The following KLF8 variants were observed in gnomAD, a reference collection of about 807,000 sequenced individuals.
The protein encoded by KLF8 is Krueppel-like factor 8.
Under a neutral mutation model 18.2 loss-of-function variants are expected in KLF8, and 10 were observed. That is an observed-to-expected ratio of 0.55 (90% CI 0.34 to 0.93). The LOEUF (loss-of-function observed/expected upper bound fraction) is 0.93. Among genes scored for constraint, KLF8 ranks in the 40% least tolerant of loss-of-function variants. KLF8 has a pLI of 0.02. For missense variants in KLF8, 264 were observed against 277.9 expected, an observed-to-expected ratio of 0.95 and a Z score of 0.36; for synonymous variants, 109 against 97.3, an observed-to-expected ratio of 1.12 and a Z score of -0.71.
the KLF8 span, among the ~76,000 whole-genome samples, chrX:56,203,666 C>G: frequency 2.7e-5 from 3 of 112,035 alleles, no homozygotes; most frequent in Admixed American, 1.9e-4. Flanking sequence ...TTCCCATCAC[C>G]ATTTATTGAA....
the KLF8 span, among the ~76,000 whole-genome samples, chrX:56,051,674 C>G: frequency 9.3e-6 from 1 of 107,660 alleles, no homozygotes; most frequent in African/African-American, 3.5e-5. Flanking sequence ...GAGGGTAACC[C>G]GACCTTTCTC....
the KLF8 span, among the ~76,000 whole-genome samples, chrX:56,121,118 G>A: frequency 1.9e-5 from 2 of 104,923 alleles, no homozygotes; most frequent in East Asian, 6.0e-4. Flanking sequence ...CCCGGGAGGC[G>A]GAGCTTGCAG....
chrX:56,028,056 A>G, the KLF8 span, among the ~76,000 whole-genome samples: 1 of 111,997 alleles, frequency 8.9e-6, no homozygotes, highest in Non-Finnish European at 1.9e-5. Flanking sequence ...AACTCCATCT[A>G]GCTGTTTTGA....
chrX:56,044,717 G>A, the KLF8 span, among the ~76,000 whole-genome samples: 1 of 112,152 alleles, frequency 8.9e-6, no homozygotes, highest in African/African-American at 3.2e-5. Context: ...CTCACCCTGG[G>A]AAGTCAGACC....
the KLF8 span, among the ~76,000 whole-genome samples, chrX:56,214,058 A>G: frequency 9.0e-6 from 1 of 111,381 alleles, no homozygotes; most frequent in African/African-American, 3.3e-5. Flanking sequence ...AAGTCCTGCC[A>G]TAAAGCCGTC....
the KLF8 span, among the ~76,000 whole-genome samples, chrX:56,194,261 C>T: frequency 7.2e-5 from 8 of 111,387 alleles, no homozygotes; most frequent in African/African-American, 2.3e-4. Context: ...CAGGGCAGGG[C>T]GTCACGTCTC....
chrX:56,139,839 C>A, the KLF8 span, among the ~76,000 whole-genome samples: 1 of 110,971 alleles, frequency 9.0e-6, no homozygotes, highest in East Asian at 2.8e-4. Flanking sequence ...AGTAAACAGG[C>A]AACCTACAAA....
chrX:56,288,911 G>C lies in KLF8; in HGVS notation c.*4417G>C, dbSNP rs775052182. On this transcript the variant is annotated 3_prime_UTR_variant, in exon 6 of 6. Transcript: ENST00000468660. ...CACCTGGCTGAAATAGTTGTTGTCA[G>C]GTTTCTCCCCTGTACTCTTTTTTTC... Among the ~76,000 whole-genome samples the C allele has an allele frequency of 8.9e-6, 1 of 111,902 alleles. No homozygotes were observed. Among genetic ancestry groups the C allele is most frequent in the African/African-American group, 3.2e-5 (1 of 30,817 alleles).
chrX:56,021,171 T>A, the KLF8 span, among the ~76,000 whole-genome samples: 1 of 112,328 alleles, frequency 8.9e-6, no homozygotes, highest in Non-Finnish European at 1.9e-5. Flanking sequence ...TACCATCTGT[T>A]TTTGAAATTT....
chrX:56,091,922 C>A, the KLF8 span, among the ~76,000 whole-genome samples: 1 of 110,776 alleles, frequency 9.0e-6, no homozygotes, highest in Non-Finnish European at 1.9e-5. Context: ...CTAATTTACA[C>A]TCCCACCAAC....
chrX:56,184,212 G>T, the KLF8 span, among the ~76,000 whole-genome samples: 3 of 112,361 alleles, frequency 2.7e-5, no homozygotes, highest in African/African-American at 9.7e-5. Flanking sequence ...GGCGCACCAG[G>T]AGATTATATC....
the KLF8 span, among the ~76,000 whole-genome samples, chrX:56,047,415 C>A: frequency 2.0e-5 from 2 of 101,111 alleles, no homozygotes; most frequent in Non-Finnish European, 4.0e-5. Flanking sequence ...ATCCCTCCCC[C>A]CTCCCCCACC....
chrX:56,052,070 A>C, the KLF8 span, among the ~76,000 whole-genome samples: 3 of 111,355 alleles, frequency 2.7e-5, no homozygotes, highest in Non-Finnish European at 5.6e-5. Context: ...TCGGCTCCTG[A>C]GGCTTCTGCA....
chrX:56,238,204 C>T (rs2066501215), intron 1 of KLF8, among the ~76,000 whole-genome samples: 1 of 111,697 alleles, frequency 9.0e-6, no homozygotes, highest in African/African-American at 3.3e-5. Context: ...CTAGGCCGGG[C>T]GCAGTGGCTC....
intron 5 of KLF8, among the ~76,000 whole-genome samples, chrX:56,282,355 C>G (rs758683317): frequency 8.9e-6 from 1 of 112,203 alleles, no homozygotes; most frequent in Admixed American, 9.5e-5. Flanking sequence ...CATTTGCCAT[C>G]TTTTTTGTCT....
At chrX:55,915,042 A>G in the KLF8 span, among the ~76,000 whole-genome samples, 1 of 111,163 alleles carries the variant, frequency 9.0e-6, no homozygotes, top group Non-Finnish European at 1.9e-5. Context: ...CAGAAACCTT[A>G]GGACTCAAAA....
the KLF8 span, among the ~76,000 whole-genome samples, chrX:56,106,371 G>T: frequency 8.9e-6 from 1 of 111,903 alleles, no homozygotes; most frequent in East Asian, 2.8e-4. Flanking sequence ...CGTAGAGTTG[G>T]TCTTTTCACA....
At chrX:56,079,840 G>A in the KLF8 span, among the ~76,000 whole-genome samples, 1 of 111,170 alleles carries the variant, frequency 9.0e-6, no homozygotes, top group Non-Finnish European at 1.9e-5. Context: ...TCCTGTATTG[G>A]ATGCATATAT....
chrX:56,044,880 G>C, the KLF8 span, among the ~76,000 whole-genome samples: 2 of 112,454 alleles, frequency 1.8e-5, no homozygotes, highest in Non-Finnish European at 3.8e-5. Flanking sequence ...TGTATGGACA[G>C]ATTTCCTGCT....
Sources: gnomAD v4.1 joint callset for allele counts (sites outside exome capture counted in the v4.1 genomes callset) on GRCh38, gnomAD v4.1.1 for gene constraint, MANE v1.5 for transcripts, NCBI Gene and HGNC (gene_info 2026-07-23, HGNC 2026-07-21) for gene names.